C1orf94: variants seen among roughly 807,000 people sequenced by gnomAD.
The protein encoded by C1orf94 is uncharacterized protein C1orf94.
A neutral mutation model predicts 53.6 loss-of-function variants in C1orf94; 45 were observed. That is an observed-to-expected ratio of 0.84 (90% CI 0.66 to 1.08). The LOEUF is 1.08. C1orf94 is among the 50% of genes least tolerant of loss of function. The probability of loss-of-function intolerance (pLI) is 0.00; values close to 1 mark genes in which losing one functional copy is unlikely to be tolerated. For missense variants in C1orf94, 762 were observed against 738.9 expected (o/e 1.03, Z -0.36); for synonymous variants, 304 against 296.1 (o/e 1.03, Z -0.27).
At chr1:34,172,509 G>A (rs1234614586), upstream of C1orf94, among the ~76,000 whole-genome samples, 1 of 152,200 alleles carries the variant, frequency 6.6e-6, no homozygotes, top group Non-Finnish European at 1.5e-5. Context: ...AAATGTCAGA[G>A]AAGTTAAGTA....
chr1:34,185,068 C>T (rs943879603), intron 1 of C1orf94, among the ~76,000 whole-genome samples: 1 of 152,176 alleles, frequency 6.6e-6, no homozygotes, highest in African/African-American at 2.4e-5. Context: ...TCACATCTCT[C>T]AGTATTTGGG....
chr1:34,212,208 A>G lies in C1orf94; in HGVS notation c.1525-2A>G. The G allele has an allele frequency of 6.2e-7, 1 of 1,607,038 alleles. No individual in the cohort carries two copies. Among genetic ancestry groups the G allele is most frequent in the Non-Finnish European group, 8.5e-7 (1 of 1,176,274 alleles). On this transcript the variant is annotated splice_acceptor_variant, in intron 5 of 6. Coordinates refer to ENST00000488417, the MANE Select transcript of C1orf94 (RefSeq NM_001134734.2). LOFTEE classifies it high-confidence loss of function. ...CACCCCTCTCTTCTCTGTGATGTGC[A>G]GGTGATGCCATACAACCCACAGCAG...
rs150717341 is a variant in C1orf94, at chr1:34,197,581, G to T, written c.677G>T (p.Gly226Val). The change falls in exon 2 of 7, where the codon GGC becomes GTC. Residue 226 changes from glycine (G) to valine (V), a missense_variant. Gly to Val is a moderately radical substitution (Grantham distance 109). Transcript: ENST00000488417. This position sits in a 1 kb window ranked among gnomAD's most constrained non-coding sequence, Gnocchi z 4.1. The stretch of plus-strand genomic sequence containing the variant: ...AGCAGCAAGGGGACAGAGGACAGGG[G>T]CCGCATCCTAGGTGACTCCAACTTG... ...VKSSKGTEDR[G>V]RILGDSNLQV... The T allele has an allele frequency of 2.5e-6, 4 of 1,614,140 alleles. No individual in the cohort carries two copies. Among genetic ancestry groups the T allele is most frequent in the Non-Finnish European group, 3.4e-6 (4 of 1,180,010 alleles).
At chr1:34,189,290 G>A (rs984141063) in intron 1 of C1orf94, among the ~76,000 whole-genome samples, 2 of 152,016 alleles carry the variant, frequency 1.3e-5, no homozygotes, top group South Asian at 2.1e-4. Context: ...GTGTATGTGT[G>A]CATAGTGTGT....
intron 1 of C1orf94, among the ~76,000 whole-genome samples, chr1:34,188,964 C>A (rs1269291983): frequency 6.6e-6 from 1 of 152,104 alleles, no homozygotes; most frequent in Non-Finnish European, 1.5e-5. Flanking sequence ...GAGGTAGAAT[C>A]CACCTTCCTT....
rs1571344359 is a variant in C1orf94, at chr1:34,197,976, A to C, written c.1009+63A>C. 2 of 1,475,992 alleles carry C rather than the reference A, an allele frequency of 1.4e-6. No homozygotes were observed. Among genetic ancestry groups the C allele is most frequent in the East Asian group, 4.6e-5 (2 of 43,700 alleles). The allele number at this position is 1,475,992 out of a possible 1,614,324, so 91.4% of individuals were successfully genotyped here. A position where few individuals can be genotyped will look rare whatever the true frequency, so the allele number is the denominator to read the frequency against. On this transcript the variant is annotated intron_variant, in intron 2 of 6. Coordinates refer to ENST00000488417, the MANE Select transcript of C1orf94 (RefSeq NM_001134734.2). This position sits in a 1 kb window ranked among gnomAD's most constrained non-coding sequence, Gnocchi z 4.1. Reference sequence around the variant, plus strand: ...AGGAGGAGGTCCTTCCCAGGAAGCCAATCAGGGCTGCAGCATGTACATAAA... The same window carrying C: ...AGGAGGAGGTCCTTCCCAGGAAGCCCATCAGGGCTGCAGCATGTACATAAA...
rs779436604 is a variant in C1orf94, at chr1:34,197,358, G to A, written c.454G>A (p.Glu152Lys). ...GELEVPGSSPEGTRELAPCIL... is the reference protein window; with the variant it reads ...GELEVPGSSPKGTRELAPCIL... The stretch of plus-strand genomic sequence containing the variant: ...GCTGGAGGTACCCGGCAGCTCTCCC[G>A]AGGGGACCAGAGAGCTGGCTCCCTG... The change falls in exon 2 of 7, where the codon GAG (glutamate) becomes AAG (lysine). Residue 152 changes from glutamate to lysine, a missense_variant. Coordinates refer to ENST00000488417, the MANE Select transcript of C1orf94 (RefSeq NM_001134734.2). The surrounding 1 kb of genome is among the most constrained non-coding windows in gnomAD (Gnocchi z 4.1). 2.2e-5 allele frequency: 35 copies of A among 1,607,828 alleles called. No homozygotes were observed. In the South Asian group the frequency reaches 2.3e-4, roughly 11 times the overall value.
In C1orf94 at chr1:34,217,327, A is replaced by G. The variant is rs1454400870; in HGVS notation, c.1722-1359A>G. Among the ~76,000 whole-genome samples, 7 of 152,294 alleles carry G rather than the reference A, an allele frequency of 4.6e-5. No homozygotes were observed. In the South Asian group the frequency reaches 6.2e-4, roughly 14 times the overall value. On this transcript the variant is annotated intron_variant, in intron 6 of 6. Transcript: ENST00000488417. Reference sequence around the variant, plus strand: ...TTCTCAACCTGGAGGACCTAGCTGCATGTGTGCCAATCAGATATGAGCTGT... The same window carrying G: ...TTCTCAACCTGGAGGACCTAGCTGCGTGTGTGCCAATCAGATATGAGCTGT...
intron 1 of C1orf94, among the ~76,000 whole-genome samples, chr1:34,182,048 G>C (rs1370300249): frequency 6.6e-6 from 1 of 152,156 alleles, no homozygotes; most frequent in Non-Finnish European, 1.5e-5. Flanking sequence ...ACAAAAATTA[G>C]CTGGGCATGG....
At chr1:34,209,481 AGGGCACCAACACCCAGCC>A (rs1642855965) in intron 5 of C1orf94, among the ~76,000 whole-genome samples, 2 of 152,112 alleles carry the variant, frequency 1.3e-5, no homozygotes, top group East Asian at 3.9e-4. Context: ...GGAGGAGCAG[AGGGCACCAACACCCAGCC>A]TGCCATAGCA....
intron 1 of C1orf94, among the ~76,000 whole-genome samples, chr1:34,182,483 A>AGT (rs1642325181): frequency 6.6e-6 from 1 of 152,200 alleles, no homozygotes; most frequent in African/African-American, 2.4e-5. Flanking sequence ...ATGGTTTGTA[A>AGT]GTGTGTGGGA....
intron 1 of C1orf94, among the ~76,000 whole-genome samples, chr1:34,191,465 T>C (rs1642491637): frequency 6.6e-6 from 1 of 151,864 alleles, no homozygotes; most frequent in Non-Finnish European, 1.5e-5. Flanking sequence ...TCCACCTCCC[T>C]CCAGGGACTG....
chr1:34,178,650 G>T (rs1642267321), intron 1 of C1orf94, among the ~76,000 whole-genome samples: 1 of 152,330 alleles, frequency 6.6e-6, no homozygotes, highest in Middle Eastern at 3.4e-3. Flanking sequence ...AAATTAAAGT[G>T]CGGGAAGATG....
chr1:34,173,050 C>A (rs1342672446), upstream of C1orf94, among the ~76,000 whole-genome samples: 3 of 152,232 alleles, frequency 2.0e-5, no homozygotes, highest in African/African-American at 7.2e-5. Flanking sequence ...ACATGGAAAT[C>A]AGTAAATATT....
In C1orf94 at chr1:34,208,157, G is replaced by T; in HGVS notation, c.1447G>T (p.Gly483Cys). Residue 483 changes from glycine to cysteine, a missense_variant and splice_region_variant, in exon 5 of 7, where the codon GGC becomes TGC. Coordinates refer to ENST00000488417, the MANE Select transcript of C1orf94 (RefSeq NM_001134734.2). Reference protein sequence around the residue: ...TNHSTFLQYQGLYPQQAARMP... With the variant: ...TNHSTFLQYQCLYPQQAARMP... Reference sequence around the variant, plus strand: ...ATACTGAGCCTCTGTTTCTCCCCAGGGCCTGTACCCACAGCAGGCAGCGAG... The same window carrying T: ...ATACTGAGCCTCTGTTTCTCCCCAGTGCCTGTACCCACAGCAGGCAGCGAG... The T allele has an allele frequency of 2.5e-6, 4 of 1,614,038 alleles. 1 individual carries two copies. The South Asian group carries it at 4.4e-5, about 18-fold the overall frequency.
In C1orf94 at chr1:34,197,199, C is replaced by CGTCTG; in HGVS notation, c.321-25_321-21dup. 6.7e-7 allele frequency: 1 copy of CGTCTG among 1,487,734 alleles called. No individual in the cohort carries two copies. The highest frequency in any genetic ancestry group is 9.0e-7 in the Non-Finnish European group (1 of 1,114,296). The allele number at this position is 1,487,734 out of a possible 1,614,324, so 92.2% of individuals were successfully genotyped here. A position where few individuals can be genotyped will look rare whatever the true frequency, so the allele number is the denominator to read the frequency against. Reference sequence around the variant, plus strand: ...CGCCTTGGTGAGCTGGCACTAACACCGTCTGTCTCTCTGACCCATTTCCAG... The same window carrying CGTCTG: ...CGCCTTGGTGAGCTGGCACTAACACCGTCTGGTCTGTCTCTCTGACCCATTTCCAG... On this transcript the variant is annotated intron_variant, in intron 1 of 6. Coordinates refer to ENST00000488417, the MANE Select transcript of C1orf94 (RefSeq NM_001134734.2). The surrounding 1 kb of genome is among the most constrained non-coding windows in gnomAD (Gnocchi z 4.1).
intron 1 of C1orf94, among the ~76,000 whole-genome samples, chr1:34,184,513 A>C (rs2148613020): frequency 6.6e-6 from 1 of 152,324 alleles, no homozygotes; most frequent in Non-Finnish European, 1.5e-5. Context: ...TAGGGAGATA[A>C]ATCTACTGAA....
rs1056169685 is a variant in C1orf94, at chr1:34,197,889, G to A, written c.985G>A (p.Ala329Thr). Residue 329 changes from alanine to threonine, a missense_variant, in exon 2 of 7, where the codon GCT (alanine) becomes ACT (threonine). Physicochemically the swap from Ala to Thr is moderately conservative, Grantham distance 58. Transcript: ENST00000488417. The surrounding 1 kb of genome is among the most constrained non-coding windows in gnomAD (Gnocchi z 4.1). ...CTGTTCCAAGCCCAAGGCTGACCCT[G>A]CTGTGGAGAGGCACCACTTGATGGG... ...KICSKPKADP[A>T]VERHHLMEWS... 1.2e-5 allele frequency: 20 copies of A among 1,613,748 alleles called. No homozygotes were observed. Among genetic ancestry groups the A allele is most frequent in the Non-Finnish European group, 1.7e-5 (20 of 1,179,852 alleles).
intron 2 of C1orf94, among the ~76,000 whole-genome samples, 178 bp from the exon 3 acceptor site, chr1:34,200,594 C>T (rs938268309): frequency 5.3e-5 from 8 of 151,826 alleles, no homozygotes; most frequent in African/African-American, 7.3e-5. Context: ...GGGGCAGGGG[C>T]CAGGGAGGGT....
Sources: gnomAD v4.1 joint callset for allele counts (sites outside exome capture counted in the v4.1 genomes callset) on GRCh38, gnomAD v4.1.1 for gene constraint, Gnocchi (gnomAD v3.1) non-coding constraint, MANE v1.5 for transcripts, NCBI Gene and HGNC (gene_info 2026-07-23, HGNC 2026-07-21) for gene names.